The following SLC25A53 variants were observed in gnomAD, a reference collection of about 807,000 sequenced individuals.
The protein encoded by SLC25A53 is mitochondrial carrier triple repeat protein 6.
A neutral mutation model predicts 15.0 loss-of-function variants in SLC25A53; 5 were observed. That is an observed-to-expected ratio of 0.33 (90% CI 0.17 to 0.70). The LOEUF is 0.70. Among genes scored for constraint, SLC25A53 ranks in the 30% least tolerant of loss-of-function variants. The pLI is 0.67. For missense variants in SLC25A53, 216 were observed against 241.6 expected, an observed-to-expected ratio of 0.89 and a Z score of 0.70; for synonymous variants, 95 against 100.0, an observed-to-expected ratio of 0.95 and a Z score of 0.30.
intron 1 of SLC25A53, among the ~76,000 whole-genome samples, chrX:104,138,004 A>C (rs2075441150): frequency 8.9e-6 from 1 of 112,621 alleles, no homozygotes; most frequent in Non-Finnish European, 1.9e-5. Context: ...ACAGAACAGA[A>C]ATAAATTTCA....
intron 1 of SLC25A53, among the ~76,000 whole-genome samples, chrX:104,110,297 A>C (rs1602486347): frequency 8.9e-6 from 1 of 111,757 alleles, no homozygotes; most frequent in African/African-American, 3.3e-5. Flanking sequence ...AACTGCCAGC[A>C]TCACCCCTAA....
chrX:104,131,395 T>C (rs2075425288), intron 1 of SLC25A53, among the ~76,000 whole-genome samples: 1 of 111,733 alleles, frequency 8.9e-6, no homozygotes, highest in African/African-American at 3.3e-5. Flanking sequence ...GCTTGGTTGA[T>C]AGGAGCCACA....
At chrX:104,132,299 G>A (rs138575352) in intron 1 of SLC25A53, among the ~76,000 whole-genome samples, 1,201 of 111,934 alleles carry the variant, frequency 0.011, 21 homozygotes, top group African/African-American at 0.036. Flanking sequence ...GTTGCCTTTC[G>A]GTAACCTCTA....
At chrX:104,128,993 C>A (rs782793248) in intron 1 of SLC25A53, among the ~76,000 whole-genome samples, 59 of 111,751 alleles carry the variant, frequency 5.3e-4, no homozygotes, top group Non-Finnish European at 9.8e-4. Flanking sequence ...AAGACACCTT[C>A]TTTAATATAT....
intron 1 of SLC25A53, chrX:104,114,403 A>T: frequency 8.3e-7 from 1 of 1,212,090 alleles, no homozygotes; most frequent in Non-Finnish European, 1.1e-6. Flanking sequence ...CCGGGAGGTC[A>T]TGCGTTTGCT....
At chrX:104,144,242 T>C (rs931925441) in intron 1 of SLC25A53, among the ~76,000 whole-genome samples, 4 of 111,729 alleles carry the variant, frequency 3.6e-5, no homozygotes, top group African/African-American at 1.3e-4. Flanking sequence ...AAAATTCACA[T>C]ATAACAATAT....
chrX:104,118,979 C>A (rs145441295), intron 1 of SLC25A53, among the ~76,000 whole-genome samples: 2 of 112,213 alleles, frequency 1.8e-5, no homozygotes, highest in Non-Finnish European at 3.8e-5. Context: ...ATCCCCTCCC[C>A]CTTCAGAGTT....
chrX:104,128,616 CTG>C (rs1556364904), intron 1 of SLC25A53, among the ~76,000 whole-genome samples: 1 of 111,510 alleles, frequency 9.0e-6, no homozygotes, highest in Non-Finnish European at 1.9e-5. Context: ...CTGAAAGGGT[CTG>C]TCTCAGGTGT....
intron 1 of SLC25A53, among the ~76,000 whole-genome samples, chrX:104,154,017 C>T (rs2075493147): frequency 8.9e-6 from 1 of 111,753 alleles, no homozygotes; most frequent in African/African-American, 3.3e-5. Context: ...AAAATGTTTC[C>T]GCACAGCAAA....
intron 1 of SLC25A53, chrX:104,131,232 T>G (rs781931406): frequency 8.9e-6 from 1 of 112,127 alleles, no homozygotes; most frequent in African/African-American, 3.2e-5. Flanking sequence ...TCCTGAGGGA[T>G]CCAAAAGACC....
intron 1 of SLC25A53, among the ~76,000 whole-genome samples, chrX:104,123,509 T>A (rs1556363368): frequency 8.9e-6 from 1 of 112,083 alleles, no homozygotes; most frequent in Non-Finnish European, 1.9e-5. Flanking sequence ...AGAGAAATTG[T>A]TCTAATATTC....
At chrX:104,129,858 GTA>G (rs1455697119) in intron 1 of SLC25A53, among the ~76,000 whole-genome samples, 35 of 53,259 alleles carry the variant, frequency 6.6e-4, no homozygotes, top group East Asian at 1.8e-3. Flanking sequence ...CCACACAAAT[GTA>G]TGTGTGTGTG....
chrX:104,108,962 C>A (rs1397238520), intron 1 of SLC25A53, among the ~76,000 whole-genome samples: 1 of 111,958 alleles, frequency 8.9e-6, no homozygotes, highest in Non-Finnish European at 1.9e-5. Flanking sequence ...CAACAGTGTG[C>A]TAAACTCTAC....
intron 1 of SLC25A53, chrX:104,115,528 G>A (rs181867440): frequency 2.5e-4 from 95 of 373,717 alleles, no homozygotes; most frequent in Middle Eastern, 2.2e-3. Context: ...CTGGCTTAAG[G>A]GTCTATTCTC....
chrX:104,135,746 C>A (rs2075435008), intron 1 of SLC25A53, among the ~76,000 whole-genome samples: 1 of 111,492 alleles, frequency 9.0e-6, no homozygotes, highest in South Asian at 3.7e-4. Context: ...TCCCACTGCT[C>A]AATCAGACAC....
chrX:104,131,494 C>T (rs2075425568), intron 1 of SLC25A53, among the ~76,000 whole-genome samples: 1 of 111,409 alleles, frequency 9.0e-6, no homozygotes, highest in Non-Finnish European at 1.9e-5. Flanking sequence ...TAAAGACAGA[C>T]CTCTTAGTTG....
chrX:104,145,523 C>T (rs2075463633), intron 1 of SLC25A53, among the ~76,000 whole-genome samples: 1 of 111,658 alleles, frequency 9.0e-6, no homozygotes, highest in African/African-American at 3.3e-5. Flanking sequence ...AACCCAGGAG[C>T]TGGTTTTTTG....
In SLC25A53 at chrX:104,102,569, C is replaced by T. The variant is rs1361154369; in HGVS notation, c.*1765G>A. The T allele has an allele frequency of 8.9e-6, 1 of 112,182 alleles. No individual in the cohort carries two copies. Among genetic ancestry groups the T allele is most frequent in the African/African-American group, 3.2e-5 (1 of 30,848 alleles). 9.2% of individuals were successfully genotyped at this position (112,182 alleles called of 1,213,427 possible). The stretch of plus-strand genomic sequence containing the variant: ...AAAAACACAGCCCAAAGGCACGTGT[C>T]TTGCTGACAGTGAGTCAATAACTTT... On this transcript the variant is annotated 3_prime_UTR_variant, in exon 2 of 2. Coordinates refer to ENST00000594199, the MANE Select transcript of SLC25A53 (RefSeq NM_001012755.5).
chrX:104,110,889 T>G (rs7889394), intron 1 of SLC25A53, among the ~76,000 whole-genome samples: 17,309 of 112,050 alleles, frequency 0.15, 1,199 homozygotes, highest in African/African-American at 0.27. Context: ...AATGGGGTTT[T>G]ATTTCTCACA....
Sources: allele counts gnomAD v4.1 joint callset (sites outside exome capture counted in the v4.1 genomes callset), GRCh38; gene constraint gnomAD v4.1.1; transcripts MANE v1.5; gene names NCBI Gene and HGNC (gene_info 2026-07-23, HGNC 2026-07-21).